Variants in INO80 observed in about 807,000 individuals in gnomAD.
INO80 encodes INO80 complex ATPase subunit, also known as chromatin-remodeling ATPase INO80.
A neutral mutation model predicts 203.4 loss-of-function variants in INO80; 20 were observed. That is an observed-to-expected ratio of 0.10 (90% CI 0.07 to 0.14). The LOEUF (loss-of-function observed/expected upper bound fraction) is 0.14, where lower values mean the gene tolerates loss of function less well. INO80 is among the 10% of genes least tolerant of loss of function. The pLI is 1.00. For synonymous variants in INO80, 726 were observed against 685.2 expected (o/e 1.06, Z -0.93); for missense variants, 1,419 against 1,914.4 (o/e 0.74, Z 4.83).
chr15:40,988,177 T>G (rs751006253), intron 29 of INO80, among the ~76,000 whole-genome samples: 1 of 152,214 alleles, frequency 6.6e-6, no homozygotes, highest in Admixed American at 6.5e-5. Context: ...GCTCCTGTTT[T>G]ATTTTTTTCA....
chr15:41,092,487 A>T (rs2045659837), intron 4 of INO80, among the ~76,000 whole-genome samples: 1 of 152,226 alleles, frequency 6.6e-6, no homozygotes, highest in African/African-American at 2.4e-5. Context: ...AACTATACAT[A>T]CATGCCAAAC....
chr15:41,045,465 C>A (rs1025431707), intron 23 of INO80, among the ~76,000 whole-genome samples: 3 of 151,836 alleles, frequency 2.0e-5, no homozygotes, highest in Non-Finnish European at 2.9e-5. Context: ...ACCTGTAATA[C>A]CAGCTACTTG....
intron 14 of INO80, among the ~76,000 whole-genome samples, chr15:41,068,797 T>G (rs548489617): frequency 6.6e-6 from 1 of 151,872 alleles, no homozygotes; most frequent in African/African-American, 2.4e-5. Flanking sequence ...GAGATGGAGG[T>G]TGCAGTGAGC....
intron 7 of INO80, among the ~76,000 whole-genome samples, chr15:41,082,735 T>C (rs2045503899): frequency 6.6e-6 from 1 of 151,776 alleles, no homozygotes; most frequent in African/African-American, 2.4e-5. Context: ...ATAAACAGAA[T>C]TAGCTCAGTG....
chr15:41,073,999 T>C (rs568994321), intron 10 of INO80, among the ~76,000 whole-genome samples: 1 of 152,230 alleles, frequency 6.6e-6, no homozygotes, highest in South Asian at 2.1e-4. Flanking sequence ...TAAAGACAAC[T>C]GAACAGCTGC....
chr15:40,985,458 G>C, intron 31 of INO80, 32 bp from the exon 32 acceptor site: 8 of 1,438,800 alleles, frequency 5.6e-6, no homozygotes, highest in Non-Finnish European at 7.8e-6. Flanking sequence ...ACCTGATGAA[G>C]TACCTGTGGT....
chr15:41,085,260 C>A, intron 7 of INO80, 109 bp downstream of exon 7: 1 of 925,140 alleles, frequency 1.1e-6, no homozygotes, highest in South Asian at 1.6e-5. Context: ...AGATTAGTTT[C>A]TTTGCAGAAT....
chr15:40,994,808 C>T (rs765710538), intron 29 of INO80, among the ~76,000 whole-genome samples: 1 of 152,146 alleles, frequency 6.6e-6, no homozygotes, highest in Non-Finnish European at 1.5e-5. Flanking sequence ...CAACGCTGGG[C>T]CCTTGGTGGA....
intron 1 of INO80, among the ~76,000 whole-genome samples, chr15:41,099,913 T>C (rs1402740615): frequency 6.6e-6 from 1 of 152,218 alleles, no homozygotes; most frequent in Non-Finnish European, 1.5e-5. Flanking sequence ...ATAATTCATC[T>C]TGATACATGT....
At chr15:41,055,913 T>C (rs1488432650) in intron 17 of INO80, among the ~76,000 whole-genome samples, 5 of 151,482 alleles carry the variant, frequency 3.3e-5, no homozygotes, top group African/African-American at 1.2e-4. Context: ...ATATATACTA[T>C]CTGTCAGTTT....
intron 26 of INO80, among the ~76,000 whole-genome samples, chr15:41,019,959 C>T (rs1280778093): frequency 3.3e-5 from 5 of 152,212 alleles, no homozygotes; most frequent in African/African-American, 7.2e-5. Context: ...CGGTGGCTCA[C>T]GCCTGTAATC....
chr15:40,988,817 C>G (rs1005442385), intron 29 of INO80, among the ~76,000 whole-genome samples: 10 of 152,246 alleles, frequency 6.6e-5, no homozygotes, highest in African/African-American at 2.4e-4. Context: ...GAGTTTGAGA[C>G]CAGCCTGGCT....
intron 24 of INO80, among the ~76,000 whole-genome samples, chr15:41,037,680 C>T (rs898915784): frequency 1.3e-5 from 2 of 151,966 alleles, no homozygotes; most frequent in African/African-American, 2.4e-5. Flanking sequence ...TGGTGGCTCA[C>T]GCCTGTAATC....
intron 7 of INO80, among the ~76,000 whole-genome samples, chr15:41,084,197 TAA>T (rs781522112): frequency 4.8e-4 from 63 of 131,986 alleles, no homozygotes; most frequent in African/African-American, 1.4e-3. Context: ...GCAACTTCTT[TAA>T]AAAAAAAAAA....
chr15:41,085,469 G>A lies in INO80; in HGVS notation c.773C>T (p.Ala258Val), dbSNP rs781725420. Residue 258 changes from alanine (A) to valine (V), a missense_variant, in exon 7 of 36, where the codon GCA (alanine) becomes GTA (valine). Ala to Val is a moderately conservative substitution (Grantham distance 64, BLOSUM62 0). This residue lies in a region of INO80 where 323 missense variants were observed against 325.4 expected (regional missense o/e 0.99). Coordinates refer to ENST00000648947, the MANE Select transcript of INO80 (RefSeq NM_017553.3). ...TKVFAKFSHD[A>V]PPPGTKKKHL... ...CTTTTTCTTAGTGCCAGGGGGAGGT[G>A]CATCGTGAGAAAACTTGGCAAAGAC... The A allele has an allele frequency of 1.9e-6, 3 of 1,614,162 alleles. No individual in the cohort carries two copies. Among genetic ancestry groups the A allele is most frequent in the East Asian group, 4.5e-5 (2 of 44,884 alleles).
At chr15:41,114,848 T>C (rs570454523) in intron 1 of INO80, among the ~76,000 whole-genome samples, 25 of 152,020 alleles carry the variant, frequency 1.6e-4, no homozygotes, top group African/African-American at 5.8e-4. Context: ...GCAAAAAATA[T>C]ATTAATAGTT....
chr15:41,106,793 T>C (rs2045886432), intron 1 of INO80, among the ~76,000 whole-genome samples: 1 of 152,236 alleles, frequency 6.6e-6, no homozygotes, highest in African/African-American at 2.4e-5. Context: ...TATTTTGTAC[T>C]GGTATCTCCA....
intron 1 of INO80, among the ~76,000 whole-genome samples, chr15:41,107,089 G>A (rs977350715): frequency 1.3e-5 from 2 of 152,278 alleles, no homozygotes; most frequent in African/African-American, 2.4e-5. Context: ...CCTTCCTCCC[G>A]TTTAGCAAGG....
chr15:41,010,850 T>A (rs183965986), intron 27 of INO80, among the ~76,000 whole-genome samples: 1 of 152,338 alleles, frequency 6.6e-6, no homozygotes, highest in East Asian at 1.9e-4. Flanking sequence ...CTCAATATGG[T>A]CCACAAACCT....
Sources: gnomAD v4.1 joint callset for allele counts (sites outside exome capture counted in the v4.1 genomes callset) on GRCh38, gnomAD v4.1.1 for gene constraint, gnomAD v4.1.1 regional missense constraint, MANE v1.5 for transcripts, NCBI Gene and HGNC (gene_info 2026-07-23, HGNC 2026-07-21) for gene names.